Variants in KCNQ5 observed in about 807,000 individuals in gnomAD.
KCNQ5 encodes the protein potassium voltage-gated channel subfamily KQT member 5.
KCNQ5 carries 30 observed loss-of-function variants against 98.2 expected under a neutral mutation model. The observed-to-expected ratio is 0.31, with a 90% CI of 0.23 to 0.41. The LOEUF is 0.41. Among genes scored for constraint, KCNQ5 ranks in the 10% least tolerant of loss-of-function variants. The pLI, the probability that KCNQ5 is intolerant of heterozygous loss-of-function variation, is 1.00. For synonymous variants in KCNQ5, 458 were observed against 449.4 expected, an observed-to-expected ratio of 1.02 and a Z score of -0.24; for missense variants, 835 against 1,182.5, an observed-to-expected ratio of 0.71 and a Z score of 4.31.
At chr6:73,036,813 G>A (rs979367673) in intron 2 of KCNQ5, among the ~76,000 whole-genome samples, 2 of 152,262 alleles carry the variant, frequency 1.3e-5, no homozygotes, top group Non-Finnish European at 2.9e-5. Context: ...GAACATTCAT[G>A]TACAGGTTTT....
chr6:72,894,087 AC>A (rs563875756), intron 1 of KCNQ5, among the ~76,000 whole-genome samples: 1 of 152,242 alleles, frequency 6.6e-6, no homozygotes. Context: ...ATAACTAAAA[AC>A]GTTCTCAAAC....
At chr6:72,732,020 C>T (rs780715344) in intron 1 of KCNQ5, among the ~76,000 whole-genome samples, 10 of 152,184 alleles carry the variant, frequency 6.6e-5, no homozygotes, top group Non-Finnish European at 1.3e-4. Flanking sequence ...AGTTTTTGAG[C>T]TTGAAAATGT....
intron 1 of KCNQ5, among the ~76,000 whole-genome samples, chr6:72,979,688 C>T (rs915366621): frequency 6.6e-6 from 1 of 152,148 alleles, no homozygotes; most frequent in African/African-American, 2.4e-5. Flanking sequence ...AATTAGATTC[C>T]ATTTGTCAAT....
intron 1 of KCNQ5, among the ~76,000 whole-genome samples, chr6:72,799,083 A>G (rs1053919882): frequency 4.6e-5 from 7 of 152,172 alleles, no homozygotes; most frequent in African/African-American, 1.7e-4. Context: ...TTATTTATAT[A>G]GAGAGACAGA....
chr6:72,951,495 G>A (rs1447644036), intron 1 of KCNQ5, among the ~76,000 whole-genome samples: 2 of 139,064 alleles, frequency 1.4e-5, no homozygotes, highest in Admixed American at 7.4e-5. Context: ...TGTTGGCCAG[G>A]TTGGTCTTGA....
At chr6:72,677,467 A>G (rs764283390) in intron 1 of KCNQ5, among the ~76,000 whole-genome samples, 11 of 152,334 alleles carry the variant, frequency 7.2e-5, no homozygotes, top group Non-Finnish European at 1.3e-4. Flanking sequence ...AGTTATTTAA[A>G]TTTACCTTGA....
chr6:72,951,229 T>C (rs1479996145), intron 1 of KCNQ5, among the ~76,000 whole-genome samples: 2 of 152,148 alleles, frequency 1.3e-5, no homozygotes, highest in Non-Finnish European at 2.9e-5. Context: ...TAATTTAACC[T>C]CTTAGCCTTC....
In KCNQ5 at chr6:73,112,547, G is replaced by A. The variant is rs151231345; in HGVS notation, c.1125+1144G>A. On this transcript the variant is annotated intron_variant, in intron 7 of 13. Transcript: ENST00000370398. ...TTTTTAGTAGAGACAGGGTTTCACC[G>A]TGTTAGCCAGGATGGTCTCCATCTC... 1.3e-3 allele frequency among the ~76,000 whole-genome samples: 198 copies of A among 152,192 alleles called. 1 individual carries two copies. Among genetic ancestry groups the A allele is most frequent in the African/African-American group, 4.6e-3 (191 of 41,526 alleles).
chr6:73,110,302 A>G (rs1234346429), intron 6 of KCNQ5, among the ~76,000 whole-genome samples: 1 of 152,222 alleles, frequency 6.6e-6, no homozygotes, highest in East Asian at 1.9e-4. Flanking sequence ...TAATAAACTC[A>G]AGAGTTAAAG....
At chr6:73,117,468 G>A (rs1278044489) in intron 7 of KCNQ5, among the ~76,000 whole-genome samples, 3 of 152,180 alleles carry the variant, frequency 2.0e-5, no homozygotes, top group Non-Finnish European at 4.4e-5. Flanking sequence ...AAAATAGCAA[G>A]ACATCAGGTC....
intron 1 of KCNQ5, among the ~76,000 whole-genome samples, chr6:72,918,997 C>G (rs563972232): frequency 3.3e-5 from 5 of 152,158 alleles, no homozygotes; most frequent in Admixed American, 6.5e-5. Flanking sequence ...TCCTTTCTCT[C>G]CCTCCCCTTC....
chr6:73,121,666 T>G (rs4084853), intron 8 of KCNQ5, among the ~76,000 whole-genome samples: 145,872 of 152,304 alleles, frequency 0.96, 69,852 homozygotes, highest in South Asian at 0.99. Flanking sequence ...CCACCTGTTC[T>G]TACTGATCTT....
intron 1 of KCNQ5, among the ~76,000 whole-genome samples, chr6:72,705,983 GTAT>G (rs1336913914): frequency 6.6e-6 from 1 of 151,986 alleles, no homozygotes; most frequent in African/African-American, 2.4e-5. Flanking sequence ...TTAAAATGTA[GTAT>G]TATGTTTGCA....
chr6:72,920,560 G>A (rs1008677743), intron 1 of KCNQ5, among the ~76,000 whole-genome samples: 26 of 152,178 alleles, frequency 1.7e-4, no homozygotes, highest in Admixed American at 5.2e-4. Context: ...TGCCACTCAG[G>A]TGTTATTTCA....
chr6:73,092,423 G>C (rs1026230481), intron 5 of KCNQ5, among the ~76,000 whole-genome samples: 1 of 152,126 alleles, frequency 6.6e-6, no homozygotes, highest in Non-Finnish European at 1.5e-5. Flanking sequence ...ATGATGAAGA[G>C]GAGTGATAAG....
intron 3 of KCNQ5, among the ~76,000 whole-genome samples, chr6:73,073,544 G>A (rs577467310): frequency 2.0e-4 from 30 of 152,216 alleles, no homozygotes; most frequent in Admixed American, 1.4e-3. Context: ...GTCCCCATTC[G>A]GAATCATTGA....
intron 1 of KCNQ5, among the ~76,000 whole-genome samples, chr6:72,862,651 A>G (rs564761774): frequency 1.2e-4 from 19 of 152,148 alleles, no homozygotes; most frequent in Non-Finnish European, 2.5e-4. Flanking sequence ...TTTTTGAGAC[A>G]GGGTCTCGCT....
chr6:72,917,714 G>A (rs926897115), intron 1 of KCNQ5, among the ~76,000 whole-genome samples: 7 of 151,752 alleles, frequency 4.6e-5, no homozygotes, highest in East Asian at 1.9e-4. Flanking sequence ...CTCGTGATCC[G>A]CCTGCCTCAG....
At chr6:73,150,290 C>G (rs1269234931) in intron 10 of KCNQ5, among the ~76,000 whole-genome samples, 2 of 151,740 alleles carry the variant, frequency 1.3e-5, no homozygotes, top group Non-Finnish European at 2.9e-5. Flanking sequence ...TTTCTTAAAA[C>G]TATTCAGTTA....
Sources: gnomAD v4.1 joint callset for allele counts (sites outside exome capture counted in the v4.1 genomes callset) on GRCh38, gnomAD v4.1.1 for gene constraint, MANE v1.5 for transcripts, NCBI Gene and HGNC (gene_info 2026-07-23, HGNC 2026-07-21) for gene names.